RSPH14: variants seen among roughly 807,000 people sequenced by gnomAD.
RSPH14 encodes rhabdoid tumor deletion region gene 1.
In RSPH14, 20 loss-of-function variants were observed where a neutral mutation model predicts 26.7. The ratio of observed to expected loss-of-function variants is 0.75; its 90% CI spans 0.53 to 1.09. The LOEUF is 1.09. Among genes scored for constraint, RSPH14 ranks in the 50% least tolerant of loss-of-function variants. The pLI, the probability that RSPH14 is intolerant of heterozygous loss-of-function variation, is 0.00. For missense variants in RSPH14, 449 were observed against 457.2 expected, an observed-to-expected ratio of 0.98 and a Z score of 0.16; for synonymous variants, 177 against 189.3, an observed-to-expected ratio of 0.93 and a Z score of 0.53.
At chr22:23,061,069 T>C (rs2068084283) in intron 6 of RSPH14, among the ~76,000 whole-genome samples, 1 of 152,146 alleles carries the variant, frequency 6.6e-6, no homozygotes, top group Non-Finnish European at 1.5e-5. Flanking sequence ...CCCATCTGCA[T>C]ACCTCAAGCA....
At chr22:23,163,606 G>GCCCCCCCCCCCCCCCCCCCCCACCCCCC in the RSPH14 span, 1 of 125,338 alleles carries the variant, frequency 8.0e-6, no homozygotes, top group Non-Finnish European at 1.8e-5. Context: ...CAAGGTGAAA[G>GCCCCCCCCCCCCCCCCCCCCCACCCCCC]CCCCCCCCCC....
chr22:23,128,941 G>T (rs190576610), intron 4 of RSPH14, among the ~76,000 whole-genome samples: 1 of 152,314 alleles, frequency 6.6e-6, no homozygotes, highest in African/African-American at 2.4e-5. Context: ...GCCACTGATA[G>T]GAAACCATAC....
At chr22:23,139,381 G>T (rs2070548330) in intron 2 of RSPH14, among the ~76,000 whole-genome samples, 1 of 152,268 alleles carries the variant, frequency 6.6e-6, no homozygotes, top group Non-Finnish European at 1.5e-5. Flanking sequence ...AGCACTTTGG[G>T]AGGCCAAGGC....
At chr22:23,160,573 T>C in the RSPH14 span, among the ~76,000 whole-genome samples, 1 of 152,054 alleles carries the variant, frequency 6.6e-6, no homozygotes, top group Admixed American at 6.6e-5. Flanking sequence ...TAGCATCTGA[T>C]TGGAAGAGTA....
the RSPH14 span, among the ~76,000 whole-genome samples, chr22:23,171,047 G>A: frequency 3.8e-4 from 57 of 151,936 alleles, no homozygotes; most frequent in East Asian, 7.8e-4. Context: ...GGCTCACTGC[G>A]GCCTCTGCCT....
chr22:23,161,842 ATTTG>A, the RSPH14 span: 1 of 449,830 alleles, frequency 2.2e-6, no homozygotes, highest in Admixed American at 3.8e-5. Context: ...AGGCCAGTCC[ATTTG>A]CAGGGTCATC....
chr22:23,174,150 C>T, the RSPH14 span, among the ~76,000 whole-genome samples: 162 of 147,426 alleles, frequency 1.1e-3, no homozygotes, highest in Admixed American at 5.5e-3. Context: ...GGGTGGCCTC[C>T]GGGAGGGGTT....
At chr22:23,072,450 T>C (rs2068403857) in intron 4 of RSPH14, among the ~76,000 whole-genome samples, 1 of 152,102 alleles carries the variant, frequency 6.6e-6, no homozygotes, top group Non-Finnish European at 1.5e-5. Flanking sequence ...AGACAGGAGG[T>C]GAATAAGACA....
intron 4 of RSPH14, among the ~76,000 whole-genome samples, chr22:23,119,745 C>T (rs2069957641): frequency 6.6e-6 from 1 of 152,236 alleles, no homozygotes; most frequent in African/African-American, 2.4e-5. Context: ...AGCTTCCTGT[C>T]TGAGCCCGGA....
chr22:23,124,050 A>AG (rs1343358041), intron 4 of RSPH14: 4 of 230,440 alleles, frequency 1.7e-5, no homozygotes, highest in Non-Finnish European at 3.5e-5. Flanking sequence ...TTTTTAAAAA[A>AG]CAGCTTCAAA....
intron 4 of RSPH14, among the ~76,000 whole-genome samples, chr22:23,091,801 G>A (rs926048382): frequency 6.6e-6 from 1 of 152,236 alleles, no homozygotes; most frequent in Non-Finnish European, 1.5e-5. Flanking sequence ...CTTCAGTGAA[G>A]ACCAAGGGCT....
At chr22:23,103,515 A>G (rs1023970715) in intron 4 of RSPH14, among the ~76,000 whole-genome samples, 1 of 152,080 alleles carries the variant, frequency 6.6e-6, no homozygotes, top group Admixed American at 6.5e-5. Flanking sequence ...CGTGGGTTGC[A>G]TCTGTTCGTG....
the RSPH14 span, among the ~76,000 whole-genome samples, chr22:23,167,706 A>G: frequency 1.0e-4 from 15 of 145,210 alleles, no homozygotes; most frequent in African/African-American, 4.3e-4. Flanking sequence ...TTTTTTAATT[A>G]ATTTATTTTT....
chr22:23,167,994 G>A, the RSPH14 span, among the ~76,000 whole-genome samples: 1 of 152,192 alleles, frequency 6.6e-6, no homozygotes, highest in Non-Finnish European at 1.5e-5. Flanking sequence ...CTACAGGAAT[G>A]AGCCAGCATG....
intron 4 of RSPH14, among the ~76,000 whole-genome samples, chr22:23,082,582 G>T (rs2068714768): frequency 6.6e-6 from 1 of 151,974 alleles, no homozygotes; most frequent in Admixed American, 6.6e-5. Flanking sequence ...TACTTGGAAA[G>T]GTTGTAAACC....
chr22:23,145,891 C>A (rs909150762), upstream of RSPH14: 4 of 809,276 alleles, frequency 4.9e-6, no homozygotes, highest in African/African-American at 5.6e-5. Flanking sequence ...TGAGGGTTTT[C>A]AGGGAAAAGG....
At chr22:23,156,118 C>A in the RSPH14 span, 1 of 990,054 alleles carries the variant, frequency 1.0e-6, no homozygotes, top group Non-Finnish European at 1.4e-6. Context: ...GAGTTCTCTG[C>A]ACAGGCACCA....
chr22:23,061,948 G>A lies in RSPH14; in HGVS notation c.654-3C>T, dbSNP rs747865701. 2 of 1,613,936 alleles carry A rather than the reference G, an allele frequency of 1.2e-6. No individual in the cohort carries two copies. The highest frequency in any genetic ancestry group is 3.3e-5 in the Admixed American group (2 of 60,010). ...GTTTCTTGCCCTCTCGAGATATGCT[G>A]GGGCAGAGAGGGAACAGAGAGGGGC... On this transcript the variant is annotated splice_polypyrimidine_tract_variant and splice_region_variant and intron_variant, in intron 5 of 6. Coordinates refer to ENST00000216036, the MANE Select transcript of RSPH14 (RefSeq NM_014433.3).
At chr22:23,130,532 G>GAAAGAAAGAAAGAAAGAAAGAAAGAA (rs367560383) in intron 4 of RSPH14, among the ~76,000 whole-genome samples, 1 of 84,870 alleles carries the variant, frequency 1.2e-5, no homozygotes, top group Non-Finnish European at 2.7e-5. Flanking sequence ...AAGAAAGAAA[G>GAAAGAAAGAAAGAAAGAAAGAAAGAA]AGAAAGAAGG....
Sources: allele counts gnomAD v4.1 joint callset (sites outside exome capture counted in the v4.1 genomes callset), GRCh38; gene constraint gnomAD v4.1.1; transcripts MANE v1.5; gene names NCBI Gene and HGNC (gene_info 2026-07-23, HGNC 2026-07-21).